The following ARFGAP1 variants were observed in gnomAD, a reference collection of about 807,000 sequenced individuals.
ARFGAP1 encodes ARF GTPase activating protein 1.
A neutral mutation model predicts 54.0 loss-of-function variants in ARFGAP1; 26 were observed. That is an observed-to-expected ratio of 0.48 (90% CI 0.35 to 0.67). ARFGAP1 has a LOEUF of 0.67. Ranked by LOEUF, ARFGAP1 falls within the 30% of genes least tolerant of loss-of-function variation. The pLI, the probability that ARFGAP1 is intolerant of heterozygous loss-of-function variation, is 0.00. For synonymous variants in ARFGAP1, 248 were observed against 211.9 expected (o/e 1.17, Z -1.48); for missense variants, 525 against 535.8 (o/e 0.98, Z 0.20).
Position 63,277,271 on chromosome 20 carries a change from C to G in ARFGAP1, c.409C>G (p.Pro137Ala), listed in dbSNP as rs774627759. The G allele has an allele frequency of 1.4e-5, 23 of 1,613,144 alleles. No individual in the cohort carries two copies. Among genetic ancestry groups the G allele is most frequent in the Non-Finnish European group, 1.8e-5 (21 of 1,179,940 alleles). ...ESSPAQNWTP[P>A]QPRTLPSMVH... ...ATCACCTGCCCAGAACTGGACCCCA[C>G]CTCAGCCCAGGACGCTGCCGTCCAT... Residue 137 changes from proline (P) to alanine (A), a missense_variant, in exon 5 of 13, where the codon CCT becomes GCT. Pro to Ala is a conservative substitution (Grantham distance 27). Around this residue, in one of 3 missense-constraint regions of ARFGAP1, gnomAD observed 466 missense variants for 453.6 expected, o/e 1.03. Coordinates refer to ENST00000370283, the MANE Select transcript of ARFGAP1 (RefSeq NM_018209.4).
In ARFGAP1 at chr20:63,277,193, T is replaced by G. The variant is rs1388194760; in HGVS notation, c.343-12T>G. 3 of 1,609,938 alleles carry G rather than the reference T, an allele frequency of 1.9e-6. No individual in the cohort carries two copies. The highest frequency in any genetic ancestry group is 2.5e-6 in the Non-Finnish European group (3 of 1,178,954). ...CCTTTATGCTCTCGAATGCCCTGTG[T>G]CTCCTTGTCAGGTGGTCGCTCTGGC... On this transcript the variant is annotated splice_polypyrimidine_tract_variant and intron_variant, in intron 4 of 12. Transcript: ENST00000370283.
intron 12 of ARFGAP1, 63 bp from the exon 13 acceptor site, chr20:63,287,501 C>T: frequency 6.8e-7 from 1 of 1,475,400 alleles, no homozygotes; most frequent in Non-Finnish European, 9.1e-7. Flanking sequence ...CTCGGGGGCA[C>T]AGAATTCCCA....
At chr20:63,287,208 G>A (rs940720934) in intron 12 of ARFGAP1, among the ~76,000 whole-genome samples, 6 of 152,276 alleles carry the variant, frequency 3.9e-5, no homozygotes, top group African/African-American at 7.2e-5. Flanking sequence ...AGCTGAGGGC[G>A]TCGCTCGGGA....
intron 7 of ARFGAP1, 83 bp from the exon 8 acceptor site, chr20:63,281,208 C>T (rs991928228): frequency 8.3e-6 from 12 of 1,452,890 alleles, no homozygotes; most frequent in Middle Eastern, 3.5e-4. Flanking sequence ...TGCCTTGGTC[C>T]TCTTCCTTGC....
chr20:63,277,854 C>T (rs1398081810), intron 5 of ARFGAP1, among the ~76,000 whole-genome samples: 2 of 152,234 alleles, frequency 1.3e-5, no homozygotes, highest in Non-Finnish European at 2.9e-5. Context: ...TGCCTCACCT[C>T]TCCCCGCTGC....
intron 1 of ARFGAP1, 50 bp from the exon 2 acceptor site, chr20:63,275,527 G>A: frequency 6.4e-7 from 1 of 1,560,000 alleles, no homozygotes. Context: ...TTTCTTTTTT[G>A]TAGAGTAGCC....
rs745490011 is a variant in ARFGAP1, at chr20:63,287,712, A to G, written c.1060A>G (p.Thr354Ala). 3.7e-6 allele frequency: 6 copies of G among 1,609,876 alleles called. No homozygotes were observed. Among genetic ancestry groups the G allele is most frequent in the East Asian group, 2.2e-5 (1 of 44,720 alleles). ...PSSDSWTCAD[T>A]STERRSSDSW... ...CAGCGACAGCTGGACGTGCGCGGACACCTCCACCGAGAGGAGGAGCTCGGA... is the reference window on the plus strand; with the variant it reads ...CAGCGACAGCTGGACGTGCGCGGACGCCTCCACCGAGAGGAGGAGCTCGGA... The change falls in exon 13 of 13, where the codon ACC (threonine) becomes GCC (alanine). Residue 354 changes from threonine to alanine, a missense_variant. Physicochemically the swap from Thr to Ala is moderately conservative, Grantham distance 58. Around this residue, in one of 3 missense-constraint regions of ARFGAP1, gnomAD observed 466 missense variants for 453.6 expected, o/e 1.03. Transcript: ENST00000370283.
chr20:63,287,202 G>A (rs1394613279), intron 12 of ARFGAP1, among the ~76,000 whole-genome samples: 1 of 152,290 alleles, frequency 6.6e-6, no homozygotes, highest in Admixed American at 6.5e-5. Context: ...CAGCGTAGCT[G>A]AGGGCGTCGC....
intron 11 of ARFGAP1, 155 bp from the exon 12 acceptor site, chr20:63,286,211 C>G (rs1291151554): frequency 1.3e-6 from 2 of 1,549,446 alleles, no homozygotes; most frequent in African/African-American, 1.4e-5. Flanking sequence ...GCCGGGGCGT[C>G]TGTGTCTGTA....
chr20:63,284,731 C>A, intron 9 of ARFGAP1, 135 bp from the exon 10 acceptor site: 1 of 1,504,898 alleles, frequency 6.6e-7, no homozygotes. Context: ...GTTTCCTGCT[C>A]CCTGCGCTTG....
chr20:63,283,021 C>G (rs1044964767), intron 9 of ARFGAP1, 170 bp downstream of exon 9: 19 of 721,128 alleles, frequency 2.6e-5, no homozygotes, highest in Middle Eastern at 3.7e-4. Context: ...CCTCCTCATG[C>G]CCGGGTGGCT....
At chr20:63,279,256 A>G (rs1458077918) in intron 7 of ARFGAP1, 5 of 554,830 alleles carry the variant, frequency 9.0e-6, no homozygotes, top group Non-Finnish European at 1.7e-5. Context: ...TGCAGACTGG[A>G]GGGCAGTGGT....
Position 63,276,329 on chromosome 20 carries a change from A to T in ARFGAP1, c.170+129A>T. 1.5e-6 allele frequency: 2 copies of T among 1,359,514 alleles called. No individual in the cohort carries two copies. Among genetic ancestry groups the T allele is most frequent in the South Asian group, 1.3e-5 (1 of 77,534 alleles). The allele number at this position is 1,359,514 out of a possible 1,614,324, so 84.2% of individuals were successfully genotyped here. A position where few individuals can be genotyped will look rare whatever the true frequency, so the allele number is the denominator to read the frequency against. On this transcript the variant is annotated intron_variant, in intron 3 of 12. Coordinates refer to ENST00000370283, the MANE Select transcript of ARFGAP1 (RefSeq NM_018209.4). The surrounding 1 kb of genome is among the most constrained non-coding windows in gnomAD (Gnocchi z 5.2). ...CCATTGCATTGCCAGTGTCCACTCT[A>T]GTGACGCCATGGCACAGAGTTCCAG... is the stretch of plus-strand genomic sequence containing the variant.
intron 8 of ARFGAP1, 30 bp from the exon 9 acceptor site, chr20:63,282,789 G>A (rs766709166): frequency 3.1e-6 from 5 of 1,613,912 alleles, no homozygotes; most frequent in Middle Eastern, 1.7e-4. Flanking sequence ...TGTTAAGTCT[G>A]TCAAGCCTTG....
intron 7 of ARFGAP1, among the ~76,000 whole-genome samples, chr20:63,280,680 C>T (rs1370336518): frequency 6.6e-6 from 1 of 152,204 alleles, no homozygotes. Context: ...TTTTTCCAGC[C>T]TGTGTGTGGG....
chr20:63,286,529 C>A (rs1216635492), intron 12 of ARFGAP1, 87 bp downstream of exon 12: 2 of 1,363,164 alleles, frequency 1.5e-6, no homozygotes. Context: ...TGGCTGGCAT[C>A]CTTGCTGGGG....
rs185646583 is a variant in ARFGAP1 at position 63,285,921 on chromosome 20, C to T, written c.834+208C>T. Reference sequence around the variant, plus strand: ...CCACTGCGGCCCGGTCAGCCACTAACTGTCACTTCTCCCTCTGCTCTTATC... The same window carrying T: ...CCACTGCGGCCCGGTCAGCCACTAATTGTCACTTCTCCCTCTGCTCTTATC... On this transcript the variant is annotated intron_variant, in intron 11 of 12. Transcript: ENST00000370283. 6.7e-4 allele frequency: 993 copies of T among 1,474,502 alleles called. 2 individuals are homozygous for T. The highest frequency in any genetic ancestry group is 8.6e-4 in the Non-Finnish European group (949 of 1,105,552). The allele number at this position is 1,474,502 out of a possible 1,614,324, so 91.3% of individuals were successfully genotyped here.
chr20:63,278,975 G>C lies in ARFGAP1; in HGVS notation c.607G>C (p.Ala203Pro). ...QKKEDDFLNN[A>P]MSSLYSGWSS... ...GAAAGAAGATGACTTCCTCAACAAC[G>C]CCATGTCCTCCCTGTACTCGGTGAG... is the stretch of plus-strand genomic sequence containing the variant. The change falls in exon 7 of 13, where the codon GCC (alanine) becomes CCC (proline). Residue 203 changes from alanine to proline, a missense_variant. Ala to Pro is a conservative substitution (Grantham distance 27). This residue lies in a region of ARFGAP1 where 466 missense variants were observed against 453.6 expected (regional missense o/e 1.03). Transcript: ENST00000370283. 2 of 1,613,964 alleles carry C rather than the reference G, an allele frequency of 1.2e-6. No individual in the cohort carries two copies. Among genetic ancestry groups the C allele is most frequent in the East Asian group, 2.2e-5 (1 of 44,880 alleles).
intron 7 of ARFGAP1, 42 bp from the exon 8 acceptor site, chr20:63,281,249 G>C: frequency 1.3e-6 from 2 of 1,566,948 alleles, no homozygotes. Flanking sequence ...CGGGTTCCTG[G>C]GTCCCAGTCC....
Sources: allele counts gnomAD v4.1 joint callset (sites outside exome capture counted in the v4.1 genomes callset), GRCh38; gene constraint gnomAD v4.1.1; regional missense constraint gnomAD v4.1.1; non-coding constraint Gnocchi (gnomAD v3.1); transcripts MANE v1.5; gene names NCBI Gene and HGNC (gene_info 2026-07-23, HGNC 2026-07-21).